Variants in MECOM observed in about 807,000 individuals in gnomAD.
MECOM encodes histone-lysine N-methyltransferase MECOM.
A neutral mutation model predicts 116.3 loss-of-function variants in MECOM; 13 were observed. The observed-to-expected ratio is 0.11, with a 90% CI of 0.07 to 0.18. The LOEUF (loss-of-function observed/expected upper bound fraction) is 0.18, where lower values mean the gene tolerates loss of function less well. MECOM is among the 10% of genes least tolerant of loss of function. MECOM has a pLI of 1.00. For missense variants in MECOM, 1,299 were observed against 1,509.0 expected (o/e 0.86, Z 2.31); for synonymous variants, 528 against 535.2 (o/e 0.99, Z 0.19).
chr3:169,553,443 C>T (rs1325927940), intron 1 of MECOM, among the ~76,000 whole-genome samples: 3 of 152,168 alleles, frequency 2.0e-5, no homozygotes, highest in East Asian at 3.8e-4. Flanking sequence ...CTATTTTGCT[C>T]ATTATGTCCC....
At chr3:169,637,523 T>C (rs546170589) in intron 1 of MECOM, among the ~76,000 whole-genome samples, 4 of 152,288 alleles carry the variant, frequency 2.6e-5, no homozygotes, top group Non-Finnish European at 5.9e-5. Flanking sequence ...GGGCCTCAGA[T>C]ATTTGAGGCC....
chr3:169,345,021 A>T (rs1289147460), intron 2 of MECOM, among the ~76,000 whole-genome samples: 1 of 152,162 alleles, frequency 6.6e-6, no homozygotes, highest in African/African-American at 2.4e-5. Flanking sequence ...GCTGCACATT[A>T]TCACAGTATT....
chr3:169,319,381 A>T (rs1391257731), intron 2 of MECOM, among the ~76,000 whole-genome samples: 2 of 152,050 alleles, frequency 1.3e-5, no homozygotes, highest in African/African-American at 4.8e-5. Flanking sequence ...CAATGAGAAC[A>T]CATGGACATG....
intron 13 of MECOM, among the ~76,000 whole-genome samples, chr3:169,094,219 CATAA>C (rs1418958046): frequency 6.6e-6 from 1 of 151,982 alleles, no homozygotes; most frequent in Non-Finnish European, 1.5e-5. Context: ...TAAAAAATTC[CATAA>C]ATAAAGATTG....
At chr3:169,598,359 G>C (rs1357279245) in intron 1 of MECOM, among the ~76,000 whole-genome samples, 1 of 152,150 alleles carries the variant, frequency 6.6e-6, no homozygotes, top group Non-Finnish European at 1.5e-5. Context: ...TAAACAGCAA[G>C]TTATAAAACT....
intron 1 of MECOM, among the ~76,000 whole-genome samples, chr3:169,615,406 T>C (rs1769876876): frequency 6.6e-6 from 1 of 152,256 alleles, no homozygotes; most frequent in South Asian, 2.1e-4. Flanking sequence ...TTATTTCTAC[T>C]AGCATTTTTA....
intron 1 of MECOM, among the ~76,000 whole-genome samples, chr3:169,418,261 G>A (rs1035360536): frequency 2.0e-5 from 3 of 151,686 alleles, no homozygotes; most frequent in Admixed American, 1.3e-4. Flanking sequence ...TAATTAATAG[G>A]CTACCAACCA....
At chr3:169,491,103 C>A (rs779802601) in intron 1 of MECOM, among the ~76,000 whole-genome samples, 1 of 152,124 alleles carries the variant, frequency 6.6e-6, no homozygotes, top group Non-Finnish European at 1.5e-5. Context: ...AGCAATCCTC[C>A]ACTTTAGCTT....
At chr3:169,261,762 G>A (rs79397253) in intron 2 of MECOM, among the ~76,000 whole-genome samples, 1 of 114,464 alleles carries the variant, frequency 8.7e-6, no homozygotes, top group African/African-American at 3.8e-5. Context: ...AAGAAGAAGA[G>A]GAAGAAGAAG....
At chr3:169,547,568 G>T (rs1042903719) in intron 1 of MECOM, among the ~76,000 whole-genome samples, 8 of 152,288 alleles carry the variant, frequency 5.3e-5, no homozygotes, top group Non-Finnish European at 8.8e-5. Flanking sequence ...TTATTTAATA[G>T]CTTTGACCCT....
chr3:169,470,315 G>C (rs187396270), intron 1 of MECOM: 19 of 152,302 alleles, frequency 1.2e-4, no homozygotes, highest in Admixed American at 1.1e-3. Context: ...CTTAAACTCT[G>C]AAGTCTAGGA....
At chr3:169,622,315 C>T (rs1354027151) in intron 1 of MECOM, among the ~76,000 whole-genome samples, 2 of 152,178 alleles carry the variant, frequency 1.3e-5, no homozygotes, top group Non-Finnish European at 2.9e-5. Flanking sequence ...TGGTCTTGAA[C>T]TCCTGAACTC....
chr3:169,121,271 C>T, intron 6 of MECOM, 62 bp from the exon 7 acceptor site: 4 of 1,477,076 alleles, frequency 2.7e-6, no homozygotes, highest in Non-Finnish European at 3.6e-6. Context: ...TAAAGAAGAC[C>T]CGGGATGACT....
chr3:169,319,366 T>C (rs568199481), intron 2 of MECOM, among the ~76,000 whole-genome samples: 1 of 150,962 alleles, frequency 6.6e-6, no homozygotes, highest in Non-Finnish European at 1.5e-5. Flanking sequence ...TAAGAGGGAG[T>C]TGAACAATGA....
intron 2 of MECOM, among the ~76,000 whole-genome samples, chr3:169,332,094 A>G (rs1368823539): frequency 6.6e-6 from 1 of 152,096 alleles, no homozygotes; most frequent in Non-Finnish European, 1.5e-5. Context: ...GGCAAACTAA[A>G]GGGAAGTGGC....
chr3:169,494,953 TG>T (rs1753636599), intron 1 of MECOM, among the ~76,000 whole-genome samples: 1 of 152,186 alleles, frequency 6.6e-6, no homozygotes, highest in South Asian at 2.1e-4. Context: ...AGGAGAATCG[TG>T]TTTGAAATTC....
chr3:169,661,286 C>G (rs1170318359), intron 1 of MECOM, among the ~76,000 whole-genome samples: 2 of 148,542 alleles, frequency 1.3e-5, no homozygotes, highest in Non-Finnish European at 3.0e-5. Context: ...CCCCCACCCA[C>G]CATCCCACTC....
chr3:169,265,152 G>A (rs762451422), intron 2 of MECOM, among the ~76,000 whole-genome samples: 6 of 152,070 alleles, frequency 3.9e-5, no homozygotes, highest in Non-Finnish European at 8.8e-5. Context: ...GTAAATAATG[G>A]CATTGTTGAG....
At chr3:169,103,229 A>C (rs146007967) in intron 10 of MECOM, among the ~76,000 whole-genome samples, 6 of 151,806 alleles carry the variant, frequency 4.0e-5, no homozygotes, top group South Asian at 2.1e-4. Context: ...TCGGTCTCCC[A>C]AAGTGCTGGG....
Sources: allele counts gnomAD v4.1 joint callset (sites outside exome capture counted in the v4.1 genomes callset), GRCh38; gene constraint gnomAD v4.1.1; transcripts MANE v1.5; gene names NCBI Gene and HGNC (gene_info 2026-07-23, HGNC 2026-07-21).